THSD7B: variants seen among roughly 807,000 people sequenced by gnomAD.
THSD7B encodes the protein thrombospondin type-1 domain-containing protein 7B.
In THSD7B, 138 loss-of-function variants were observed where a neutral mutation model predicts 213.6. The ratio of observed to expected loss-of-function variants is 0.65; its 90% CI spans 0.56 to 0.74. The LOEUF (loss-of-function observed/expected upper bound fraction) is 0.74. THSD7B is among the 30% of genes least tolerant of loss of function. The probability of loss-of-function intolerance (pLI) is 0.00; values close to 1 mark genes in which losing one functional copy is unlikely to be tolerated. For missense variants in THSD7B, 1,931 were observed against 1,991.5 expected, an observed-to-expected ratio of 0.97 and a Z score of 0.58; for synonymous variants, 742 against 687.0, an observed-to-expected ratio of 1.08 and a Z score of -1.25.
chr2:137,170,185 G>A (rs1325354811), intron 6 of THSD7B, among the ~76,000 whole-genome samples: 1 of 152,054 alleles, frequency 6.6e-6, no homozygotes, highest in Admixed American at 6.6e-5. Flanking sequence ...AACAATCATT[G>A]ACCCATGTCT....
chr2:136,855,437 T>G (rs778420219), intron 1 of THSD7B, among the ~76,000 whole-genome samples: 10 of 151,770 alleles, frequency 6.6e-5, no homozygotes, highest in Admixed American at 1.3e-4. Context: ...TTCTCTCTCT[T>G]TTTTTTGAGA....
At chr2:137,254,957 A>G (rs1181322843) in intron 10 of THSD7B, among the ~76,000 whole-genome samples, 1 of 152,082 alleles carries the variant, frequency 6.6e-6, no homozygotes, top group Non-Finnish European at 1.5e-5. Flanking sequence ...AACAATAATA[A>G]TGTTTAGTAT....
At chr2:137,144,265 C>T (rs1244099669) in intron 5 of THSD7B, among the ~76,000 whole-genome samples, 1 of 152,008 alleles carries the variant, frequency 6.6e-6, no homozygotes, top group African/African-American at 2.4e-5. Context: ...CCTATTAAGA[C>T]CCAGTATATT....
At chr2:137,493,181 GAACAACAGT>G (rs1679472978) in intron 15 of THSD7B, among the ~76,000 whole-genome samples, 1 of 138,530 alleles carries the variant, frequency 7.2e-6, no homozygotes, top group South Asian at 2.5e-4. Flanking sequence ...AAGTATTTTT[GAACAACAGT>G]TCTTTGTTGT....
intron 20 of THSD7B, among the ~76,000 whole-genome samples, chr2:137,622,237 A>G (rs6727862): frequency 0.026 from 3,989 of 151,052 alleles, 178 homozygotes; most frequent in African/African-American, 0.092. Flanking sequence ...GCAAAATACA[A>G]TCATTCCATC....
At position 137,115,070 on chromosome 2, in the gene THSD7B, G is replaced by A. The variant is rs145421515; in HGVS notation, c.1200-54G>A. The A allele has an allele frequency of 4.3e-3, 6,845 of 1,604,036 alleles. 23 individuals carry two copies. Among genetic ancestry groups the A allele is most frequent in the Middle Eastern group, 6.0e-3 (36 of 6,038 alleles). On this transcript the variant is annotated intron_variant, in intron 4 of 27. Transcript: ENST00000409968. ...TGTCATGACTTAAGTTTTCCTCAGA[G>A]TTGTATATTTTTCTTACTTCTTCTT...
At chr2:137,364,598 T>C (rs1162630067) in intron 12 of THSD7B, among the ~76,000 whole-genome samples, 1 of 149,470 alleles carries the variant, frequency 6.7e-6, no homozygotes, top group Non-Finnish European at 1.5e-5. Flanking sequence ...TATACAGCAA[T>C]GACAAACAGA....
At position 137,146,474 on chromosome 2, in the gene THSD7B, TA is replaced by T. The variant is rs546001163; in HGVS notation, c.1370-13731del. Among the ~76,000 whole-genome samples, 7 of 151,820 alleles carry T rather than the reference TA, an allele frequency of 4.6e-5. No individual in the cohort carries two copies. In the East Asian group the frequency reaches 1.4e-3, roughly 29 times the overall value. On this transcript the variant is annotated intron_variant, in intron 5 of 27. Coordinates refer to ENST00000409968, the MANE Select transcript of THSD7B (RefSeq NM_001316349.2). ...GGAATCATAAAATCTTGGACAGATT[TA>T]AAAAAAACACTTCAGTTGTCTCACT...
chr2:136,858,425 A>G (rs1336836018), intron 1 of THSD7B, among the ~76,000 whole-genome samples: 2 of 152,240 alleles, frequency 1.3e-5, no homozygotes, highest in African/African-American at 4.8e-5. Flanking sequence ...CATGCCACAC[A>G]ATATAAGGCT....
rs548922858 is a variant in THSD7B, at chr2:136,910,801, G to T, written c.139+28484G>T. On this transcript the variant is annotated intron_variant, in intron 2 of 27. Transcript: ENST00000409968. ...AATGATATTAATTTAACGATATAAT[G>T]ATATATTTGATTTTATAATGATATA... Among the ~76,000 whole-genome samples the T allele has an allele frequency of 1.1e-4, 16 of 151,878 alleles. No homozygotes were observed. In the East Asian group the frequency reaches 2.7e-3, roughly 26 times the overall value.
chr2:136,947,873 A>G (rs771542703), intron 2 of THSD7B, among the ~76,000 whole-genome samples: 2 of 152,208 alleles, frequency 1.3e-5, no homozygotes, highest in African/African-American at 2.4e-5. Flanking sequence ...ATTCCAAAGT[A>G]TGTCTCTCCC....
At chr2:137,504,370 T>C (rs959445726) in intron 15 of THSD7B, among the ~76,000 whole-genome samples, 2 of 152,248 alleles carry the variant, frequency 1.3e-5, no homozygotes, top group Non-Finnish European at 2.9e-5. Context: ...TTATTGCATC[T>C]GTCTAATCTA....
intron 1 of THSD7B, among the ~76,000 whole-genome samples, chr2:136,783,801 G>A (rs1460046908): frequency 6.6e-6 from 1 of 152,204 alleles, no homozygotes; most frequent in Admixed American, 6.5e-5. Flanking sequence ...GCAAATGACT[G>A]GTGAGGACCC....
chr2:137,546,058 G>A (rs921082747), intron 15 of THSD7B, among the ~76,000 whole-genome samples: 1 of 150,694 alleles, frequency 6.6e-6, no homozygotes, highest in Non-Finnish European at 1.5e-5. Flanking sequence ...AAACATAAAT[G>A]GATTCAGAAA....
intron 12 of THSD7B, among the ~76,000 whole-genome samples, chr2:137,298,666 A>G (rs1452847031): frequency 6.6e-6 from 1 of 152,088 alleles, no homozygotes; most frequent in Admixed American, 6.6e-5. Context: ...TGTCCCAGCC[A>G]CTCCAGTCAT....
intron 15 of THSD7B, among the ~76,000 whole-genome samples, chr2:137,527,460 T>C (rs1310440213): frequency 6.6e-6 from 1 of 152,140 alleles, no homozygotes; most frequent in South Asian, 2.1e-4. Context: ...GTCATAATAA[T>C]AAAAAGCCAA....
At chr2:137,487,028 A>C (rs1482138834) in intron 15 of THSD7B, among the ~76,000 whole-genome samples, 2 of 151,920 alleles carry the variant, frequency 1.3e-5, no homozygotes, top group Admixed American at 1.3e-4. Context: ...CTGAATGCCC[A>C]CAAGAGAAAG....
At chr2:137,293,097 C>T (rs1683375651) in intron 12 of THSD7B, among the ~76,000 whole-genome samples, 1 of 151,996 alleles carries the variant, frequency 6.6e-6, no homozygotes, top group African/African-American at 2.4e-5. Context: ...TTCATCAAAA[C>T]TTCTTGCTAT....
intron 1 of THSD7B, among the ~76,000 whole-genome samples, chr2:136,773,332 A>G (rs1056124272): frequency 6.6e-6 from 1 of 152,024 alleles, no homozygotes; most frequent in Non-Finnish European, 1.5e-5. Flanking sequence ...ATAGTGAGTG[A>G]TTTGCGCCAA....
Sources: allele counts gnomAD v4.1 joint callset (sites outside exome capture counted in the v4.1 genomes callset), GRCh38; gene constraint gnomAD v4.1.1; transcripts MANE v1.5; gene names NCBI Gene and HGNC (gene_info 2026-07-23, HGNC 2026-07-21).